Variants in SLC25A21 observed in about 807,000 individuals in gnomAD.
The protein encoded by SLC25A21 is solute carrier family 25 member 21.
Under a neutral mutation model 43.8 loss-of-function variants are expected in SLC25A21, and 47 were observed. That is an observed-to-expected ratio of 1.07 (90% CI 0.85 to 1.37). SLC25A21 has a LOEUF of 1.37. SLC25A21 is among the 40% of genes most tolerant of loss of function. The pLI, the probability that SLC25A21 is intolerant of heterozygous loss-of-function variation, is 0.00. For synonymous variants in SLC25A21, 131 were observed against 121.3 expected, an observed-to-expected ratio of 1.08 and a Z score of -0.52; for missense variants, 352 against 350.2, an observed-to-expected ratio of 1.00 and a Z score of -0.04.
intron 3 of SLC25A21, among the ~76,000 whole-genome samples, chr14:36,810,963 CAGGGA>C (rs1175069808): frequency 8.7e-5 from 3 of 34,428 alleles, no homozygotes; most frequent in African/African-American, 2.5e-4. Context: ...AAAAGAGGGT[CAGGGA>C]GGGTGAAATA....
chr14:36,890,758 C>G (rs561220280), intron 1 of SLC25A21, among the ~76,000 whole-genome samples: 19 of 152,174 alleles, frequency 1.2e-4, no homozygotes, highest in Non-Finnish European at 2.8e-4. Flanking sequence ...ATTCCCTGAA[C>G]TAGATTCAGA....
chr14:36,718,916 A>G (rs1200256916), intron 6 of SLC25A21, among the ~76,000 whole-genome samples: 3 of 152,208 alleles, frequency 2.0e-5, no homozygotes, highest in Non-Finnish European at 2.9e-5. Flanking sequence ...AGGCTTTTAC[A>G]GTTTCCTATA....
At chr14:36,846,791 G>C (rs576159754) in intron 2 of SLC25A21, among the ~76,000 whole-genome samples, 1 of 152,312 alleles carries the variant, frequency 6.6e-6, no homozygotes, top group South Asian at 2.1e-4. Context: ...TGACACAGGA[G>C]TGAACAAGAC....
chr14:36,867,456 T>C (rs712375), intron 2 of SLC25A21, among the ~76,000 whole-genome samples: 56,074 of 151,964 alleles, frequency 0.37, 10,614 homozygotes, highest in East Asian at 0.43. Context: ...AGGCCAGGCA[T>C]GGTGCTAGCT....
intron 3 of SLC25A21, among the ~76,000 whole-genome samples, chr14:36,801,039 C>T (rs1018554088): frequency 3.3e-5 from 5 of 152,126 alleles, no homozygotes; most frequent in Admixed American, 6.5e-5. Flanking sequence ...GGAGAATTTA[C>T]TTATGCTTTG....
At chr14:36,997,833 A>AC (rs1480525151) in intron 1 of SLC25A21, among the ~76,000 whole-genome samples, 10 of 151,252 alleles carry the variant, frequency 6.6e-5, no homozygotes, top group Middle Eastern at 3.4e-3. Flanking sequence ...AAAAAAAAAA[A>AC]CAACTCTATT....
At chr14:37,023,422 TA>T (rs138304894) in intron 1 of SLC25A21, among the ~76,000 whole-genome samples, 25,592 of 150,294 alleles carry the variant, frequency 0.17, 2,513 homozygotes, top group Middle Eastern at 0.22. Context: ...AAGAGGAACT[TA>T]AAAAAAAAAT....
At chr14:36,997,159 C>T (rs777309597) in intron 1 of SLC25A21, among the ~76,000 whole-genome samples, 4 of 151,926 alleles carry the variant, frequency 2.6e-5, no homozygotes, top group East Asian at 3.9e-4. Flanking sequence ...GGATTCCCCC[C>T]GTCAATATTG....
At chr14:36,716,128 C>G (rs1448350826) in intron 6 of SLC25A21, among the ~76,000 whole-genome samples, 1 of 151,630 alleles carries the variant, frequency 6.6e-6, no homozygotes, top group Admixed American at 6.6e-5. Context: ...ATAAGCAGAT[C>G]CTAAGTGAAA....
At chr14:36,802,710 A>T (rs1267515894) in intron 3 of SLC25A21, among the ~76,000 whole-genome samples, 1 of 152,202 alleles carries the variant, frequency 6.6e-6, no homozygotes, top group Non-Finnish European at 1.5e-5. Flanking sequence ...AAGAGAAAAC[A>T]GCATACGAGC....
intron 7 of SLC25A21, among the ~76,000 whole-genome samples, chr14:36,694,791 G>T (rs1373143119): frequency 6.6e-6 from 1 of 152,084 alleles, no homozygotes; most frequent in East Asian, 1.9e-4. Context: ...TGAGTTCTTT[G>T]TAGATTCTGG....
intron 1 of SLC25A21, among the ~76,000 whole-genome samples, chr14:37,002,531 AC>A (rs774037435): frequency 5.3e-5 from 8 of 152,176 alleles, no homozygotes; most frequent in Non-Finnish European, 1.0e-4. Flanking sequence ...CCTCCTTCCT[AC>A]GTATACAACT....
chr14:36,758,813 T>C (rs372152956), intron 3 of SLC25A21, among the ~76,000 whole-genome samples: 3 of 152,204 alleles, frequency 2.0e-5, no homozygotes, highest in African/African-American at 7.2e-5. Flanking sequence ...CTGATAAAAC[T>C]TCAAGCAAAA....
chr14:36,935,473 G>A (rs1248942757), intron 1 of SLC25A21, among the ~76,000 whole-genome samples: 1 of 152,098 alleles, frequency 6.6e-6, no homozygotes, highest in South Asian at 2.1e-4. Context: ...TAGCAATGGG[G>A]ACTCAATTAA....
At chr14:36,685,873 T>C (rs989719382) in intron 7 of SLC25A21, among the ~76,000 whole-genome samples, 3 of 152,212 alleles carry the variant, frequency 2.0e-5, no homozygotes, top group Non-Finnish European at 4.4e-5. Flanking sequence ...CTCAGTTCTA[T>C]GTTTTCAGTC....
At chr14:36,858,254 C>T (rs1358490214) in intron 2 of SLC25A21, among the ~76,000 whole-genome samples, 1 of 152,170 alleles carries the variant, frequency 6.6e-6, no homozygotes, top group Non-Finnish European at 1.5e-5. Flanking sequence ...CCCCTACCCC[C>T]ACCCTCCAGA....
At chr14:36,981,912 C>A (rs138521360) in intron 1 of SLC25A21, among the ~76,000 whole-genome samples, 2 of 152,108 alleles carry the variant, frequency 1.3e-5, no homozygotes, top group African/African-American at 4.8e-5. Context: ...ACCTAACAGG[C>A]GAGTTGATGT....
At chr14:37,090,817 T>C (rs899560387) in intron 1 of SLC25A21, among the ~76,000 whole-genome samples, 3 of 152,232 alleles carry the variant, frequency 2.0e-5, no homozygotes, top group Admixed American at 1.3e-4. Context: ...TGTTTAAACA[T>C]AGTCACATGT....
rs1439270218 is a variant in SLC25A21 at position 37,145,474 on chromosome 14, CACAG to C, written c.70+26803_70+26806del. 1.3e-3 allele frequency among the ~76,000 whole-genome samples: 153 copies of C among 119,572 alleles called. 2 individuals carry two copies. Among genetic ancestry groups the C allele is most frequent in the African/African-American group, 5.2e-3 (149 of 28,488 alleles). The allele number at this position is 119,572 out of a possible 152,430, so 78.4% of individuals were successfully genotyped here. The stretch of plus-strand genomic sequence containing the variant: ...ACACACACACACACACACACACACA[CACAG>C]AGAGATGAGCTAAATAACTCTTTGG... On this transcript the variant is annotated intron_variant, in intron 1 of 9. Transcript: ENST00000331299.
Sources: allele counts gnomAD v4.1 joint callset (sites outside exome capture counted in the v4.1 genomes callset), GRCh38; gene constraint gnomAD v4.1.1; transcripts MANE v1.5; gene names NCBI Gene and HGNC (gene_info 2026-07-23, HGNC 2026-07-21).